The following ACIN1 variants were observed in gnomAD, a reference collection of about 807,000 sequenced individuals.
ACIN1 encodes the protein apoptotic chromatin condensation inducer in the nucleus.
ACIN1 carries 16 observed loss-of-function variants against 146.6 expected under a neutral mutation model. The observed-to-expected ratio is 0.11, with a 90% CI of 0.07 to 0.17. The LOEUF is 0.17. Among genes scored for constraint, ACIN1 ranks in the 10% least tolerant of loss-of-function variants. The probability of loss-of-function intolerance (pLI) is 1.00; values close to 1 mark genes in which losing one functional copy is unlikely to be tolerated. For missense variants in ACIN1, 1,357 were observed against 1,609.3 expected, an observed-to-expected ratio of 0.84 and a Z score of 2.68; for synonymous variants, 569 against 582.7, an observed-to-expected ratio of 0.98 and a Z score of 0.34.
At chr14:23,063,654 G>T in intron 12 of ACIN1, 77 bp from the exon 13 acceptor site, 3 of 1,552,612 alleles carry the variant, frequency 1.9e-6, no homozygotes, top group Non-Finnish European at 2.7e-6. Flanking sequence ...TGGTTCCCCG[G>T]TAAGAGTAGC....
intron 2 of ACIN1, among the ~76,000 whole-genome samples, chr14:23,091,066 G>A (rs558887882): frequency 2.2e-4 from 34 of 151,916 alleles, no homozygotes; most frequent in African/African-American, 7.2e-4. Flanking sequence ...CACCACACTC[G>A]GCTGATTTTT....
At chr14:23,081,540 G>A (rs529267204) in intron 5 of ACIN1, among the ~76,000 whole-genome samples, 1 of 152,312 alleles carries the variant, frequency 6.6e-6, no homozygotes. Flanking sequence ...TGAGGTGGAA[G>A]GACTGCTTAA....
chr14:23,075,890 G>A lies in ACIN1; in HGVS notation c.2123+2261C>T, dbSNP rs138538463. On this transcript the variant is annotated intron_variant, in intron 8 of 18. Transcript: ENST00000605057. ...CTAATTTTGTATTTTTAGTAGAGAC[G>A]GGGTTTCACCATGTTGGTCAGGCTG... 2.0e-4 allele frequency among the ~76,000 whole-genome samples: 31 copies of A among 152,098 alleles called. 1 individual carries two copies. Among genetic ancestry groups the A allele is most frequent in the African/African-American group, 7.0e-4 (29 of 41,500 alleles).
At position 23,078,822 on chromosome 14, in the gene ACIN1, G is replaced by C. The variant is rs779416155; in HGVS notation, c.2005C>G (p.Arg669Gly). 1 of 1,612,014 alleles carries C rather than the reference G, an allele frequency of 6.2e-7. No homozygotes were observed. The highest frequency in any genetic ancestry group is 2.2e-5 in the East Asian group (1 of 44,856). The change falls in exon 7 of 19, where the codon CGG becomes GGG. Residue 669 changes from arginine (R) to glycine (G), a missense_variant and splice_region_variant. Coordinates refer to ENST00000605057, the MANE Select transcript of ACIN1 (RefSeq NM_001386863.1). ...AGGGAGGGGTCACAATAGCCTACCC[G>C]CTCAGGCTGTAACCTCTGGGTCACA... ...KHVTQRLQPE[R>G]GSPKKCEAEE...
At position 23,069,631 on chromosome 14, in the gene ACIN1, GGAGTGGT is replaced by G; in HGVS notation, c.2124-21_2124-15del. On this transcript the variant is annotated splice_polypyrimidine_tract_variant and intron_variant, in intron 8 of 18. Transcript: ENST00000605057. ...TCCTTCTCCTCACTGACAGGAGGGG[GGAGTGGT>G]GGTGGGGGGGCGGGCAGAAAAGAAC... 6.6e-7 allele frequency: 1 copy of G among 1,520,492 alleles called. No homozygotes were observed. The highest frequency in any genetic ancestry group is 9.0e-7 in the Non-Finnish European group (1 of 1,105,988). The allele number at this position is 1,520,492 out of a possible 1,614,324, so 94.2% of individuals were successfully genotyped here.
rs2047272166 is a variant in ACIN1 at position 23,061,331 on chromosome 14, C to T, written c.3391G>A (p.Ala1131Thr). ...TCACTCTTCTTTTCTTTAGACTTCG[C>T]ACGTTCCTTGCGGCGGCGGTCACGG... ...RSRDRRRKERAKSKEKKSEKK... is the reference protein window; with the variant it reads ...RSRDRRRKERTKSKEKKSEKK... Residue 1131 changes from alanine (A) to threonine (T), a missense_variant, in exon 17 of 19, where the codon GCG becomes ACG. This residue lies in a region of ACIN1 where 509 missense variants were observed against 719.6 expected (regional missense o/e 0.71). Transcript: ENST00000605057. The T allele has an allele frequency of 6.2e-7, 1 of 1,614,004 alleles. No homozygotes were observed. Among genetic ancestry groups the T allele is most frequent in the African/African-American group, 1.3e-5 (1 of 74,918 alleles).
Position 23,090,006 on chromosome 14 carries a change from G to C in ACIN1, c.412C>G (p.Leu138Val). The C allele has an allele frequency of 6.2e-7, 1 of 1,613,164 alleles. No individual in the cohort carries two copies. Among genetic ancestry groups the C allele is most frequent in the Non-Finnish European group, 8.5e-7 (1 of 1,179,684 alleles). ...DFQSSLERPE[L>V]ELSRHSPRKS... ...CTGGGCGAATGTCTGCTGAGCTCCAGCTCTGGTCTCTCCAGGCTGCTCTGA... is the reference window on the plus strand; with the variant it reads ...CTGGGCGAATGTCTGCTGAGCTCCACCTCTGGTCTCTCCAGGCTGCTCTGA... The change falls in exon 4 of 19, where the codon CTG (leucine) becomes GTG (valine). Residue 138 changes from leucine to valine, a missense_variant. Leu to Val is a conservative substitution (Grantham distance 32). This residue lies in a region of ACIN1 where 771 missense variants were observed against 746.6 expected (regional missense o/e 1.03). Transcript: ENST00000605057.
chr14:23,078,775 G>A (rs1490851713), intron 7 of ACIN1, 45 bp downstream of exon 7: 6 of 1,579,404 alleles, frequency 3.8e-6, no homozygotes, highest in Non-Finnish European at 5.2e-6. Context: ...GGAAGATCTT[G>A]CTTAATCCTC....
At position 23,067,515 on chromosome 14, in the gene ACIN1, C is replaced by T. The variant is rs1054874308; in HGVS notation, c.2266-1507G>A. On this transcript the variant is annotated intron_variant, in intron 9 of 18. Coordinates refer to ENST00000605057, the MANE Select transcript of ACIN1 (RefSeq NM_001386863.1). This position sits in a 1 kb window ranked among gnomAD's most constrained non-coding sequence, Gnocchi z 4.6. ...GGGCGCAGGGGGGGCGGGAGGGAAACGTGTGGGGGGACGCTGCCCAGTTTC... is the reference window on the plus strand; with the variant it reads ...GGGCGCAGGGGGGGCGGGAGGGAAATGTGTGGGGGGACGCTGCCCAGTTTC... 6.3e-5 allele frequency: 62 copies of T among 982,388 alleles called. No individual in the cohort carries two copies. Among genetic ancestry groups the T allele is most frequent in the Admixed American group, 1.2e-4 (2 of 16,010 alleles). 60.9% of individuals were successfully genotyped at this position (982,388 alleles called of 1,614,324 possible). A position where few individuals can be genotyped will look rare whatever the true frequency, so the allele number is the denominator to read the frequency against.
intron 1 of ACIN1, 137 bp downstream of exon 1, chr14:23,094,838 G>T: frequency 7.8e-7 from 1 of 1,278,782 alleles, no homozygotes; most frequent in Non-Finnish European, 1.1e-6. Flanking sequence ...CAACCACCGT[G>T]CGCGCGGATC....
chr14:23,094,845 G>GATCCAGAGGCTCGCGC, intron 1 of ACIN1, 130 bp downstream of exon 1: 1 of 1,345,698 alleles, frequency 7.4e-7, no homozygotes, highest in Non-Finnish European at 1.0e-6. Context: ...CGTGCGCGCG[G>GATCCAGAGGCTCGCGC]ATCCAGAGGC....
rs1184217753 is a variant in ACIN1, at chr14:23,080,227, G to A, written c.1108C>T (p.Pro370Ser). 2.5e-6 allele frequency: 4 copies of A among 1,614,080 alleles called. No homozygotes were observed. The highest frequency in any genetic ancestry group is 4.5e-5 in the East Asian group (2 of 44,898). ...LLTKEASSPPPHPQLHSEEEI... is the reference protein window; with the variant it reads ...LLTKEASSPPSHPQLHSEEEI... The stretch of plus-strand genomic sequence containing the variant: ...TCTTCGCTATGGAGCTGTGGATGAG[G>A]TGGTGGAGAAGATGCTTCCTTTGTT... The change falls in exon 6 of 19, where the codon CCT (proline) becomes TCT (serine). Residue 370 changes from proline (P) to serine (S), a missense_variant. Pro to Ser is a moderately conservative substitution (Grantham distance 74, BLOSUM62 -1). Coordinates refer to ENST00000605057, the MANE Select transcript of ACIN1 (RefSeq NM_001386863.1).
chr14:23,058,593 T>C lies in ACIN1; in HGVS notation c.*555A>G, dbSNP rs1329942766. On this transcript the variant is annotated 3_prime_UTR_variant, in exon 19 of 19. Coordinates refer to ENST00000605057, the MANE Select transcript of ACIN1 (RefSeq NM_001386863.1). ...AAACTAAGTCAGATTTTTATTTTTT[T>C]TTCCATAGACCACATCATTTAATAA... 1 of 153,970 alleles carries C rather than the reference T, an allele frequency of 6.5e-6. No individual in the cohort carries two copies. The highest frequency in any genetic ancestry group is 1.4e-5 in the Non-Finnish European group (1 of 68,976). 9.5% of individuals were successfully genotyped at this position (153,970 alleles called of 1,614,324 possible). A position where few individuals can be genotyped will look rare whatever the true frequency, so the allele number is the denominator to read the frequency against.
chr14:23,064,191 A>T lies in ACIN1; in HGVS notation c.2509T>A (p.Ser837Thr), dbSNP rs952200881. 6.2e-7 allele frequency: 1 copy of T among 1,614,146 alleles called. No individual in the cohort carries two copies. The change falls in exon 12 of 19, where the codon TCT becomes ACT. Residue 837 changes from serine (S) to threonine (T), a missense_variant. Ser to Thr is a moderately conservative substitution (Grantham distance 58). Coordinates refer to ENST00000605057, the MANE Select transcript of ACIN1 (RefSeq NM_001386863.1). ...EAVVDLHADD[S>T]RISEDETERN... ...TCTGTCTCATCCTCAGAGATGCGAG[A>T]GTCATCAGCATGAAGATCCACAACA...
At chr14:23,077,060 G>A (rs1158800513) in intron 8 of ACIN1, among the ~76,000 whole-genome samples, 1 of 152,126 alleles carries the variant, frequency 6.6e-6, no homozygotes, top group Non-Finnish European at 1.5e-5. Flanking sequence ...TGTCAGAATC[G>A]ACAAGGATTA....
upstream of ACIN1, chr14:23,095,212 A>T (rs780291242): frequency 4.0e-5 from 65 of 1,613,772 alleles, no homozygotes; most frequent in Non-Finnish European, 5.3e-5. Context: ...GCCCACTGCC[A>T]TACTCTACCC....
At chr14:23,062,083 C>A (rs1327547649) in intron 16 of ACIN1, 85 bp downstream of exon 16, 3 of 1,083,998 alleles carry the variant, frequency 2.8e-6, no homozygotes, top group Non-Finnish European at 4.2e-6. Context: ...TCAGAGACTG[C>A]AGGTCTGGCA....
rs774996136 is a variant in ACIN1 at position 23,090,672 on chromosome 14, A to C, written c.205-39T>G. ...ATGAAAACAGAGGGTCTAGGAAAAC[A>C]AACCAGGAGAATGCAAAGAAGAACA... On this transcript the variant is annotated intron_variant, in intron 2 of 18. Coordinates refer to ENST00000605057, the MANE Select transcript of ACIN1 (RefSeq NM_001386863.1). 6.9e-5 allele frequency: 103 copies of C among 1,500,646 alleles called. 1 individual carries two copies. The South Asian group carries it at 1.2e-3, about 17-fold the overall frequency. 93.0% of individuals were successfully genotyped at this position (1,500,646 alleles called of 1,614,324 possible).
intron 4 of ACIN1, among the ~76,000 whole-genome samples, chr14:23,082,216 G>T (rs1203262013): frequency 6.6e-6 from 1 of 152,040 alleles, no homozygotes; most frequent in Non-Finnish European, 1.5e-5. Flanking sequence ...ACTTCATTAT[G>T]TTCTGTATCC....
Sources: allele counts gnomAD v4.1 joint callset (sites outside exome capture counted in the v4.1 genomes callset), GRCh38; gene constraint gnomAD v4.1.1; regional missense constraint gnomAD v4.1.1; non-coding constraint Gnocchi (gnomAD v3.1); transcripts MANE v1.5; gene names NCBI Gene and HGNC (gene_info 2026-07-23, HGNC 2026-07-21).